The following HAL variants were observed in gnomAD, a reference collection of about 807,000 sequenced individuals.
HAL encodes the protein histidine ammonia-lyase, also known as histidase.
In HAL, 85 loss-of-function variants were observed where a neutral mutation model predicts 81.1. That is an observed-to-expected ratio of 1.05 (90% CI 0.88 to 1.25). HAL has a LOEUF of 1.25. Ranked by LOEUF, HAL falls within the 50% of genes most tolerant of loss-of-function variation. The probability of loss-of-function intolerance (pLI) is 0.00; values close to 1 mark genes in which losing one functional copy is unlikely to be tolerated. For synonymous variants in HAL, 301 were observed against 309.2 expected (o/e 0.97, Z 0.28); for missense variants, 798 against 836.6 (o/e 0.95, Z 0.57).
chr12:95,990,373 G>A lies in HAL; in HGVS notation c.855+20C>T. On this transcript the variant is annotated intron_variant, in intron 10 of 20. Coordinates refer to ENST00000261208, the MANE Select transcript of HAL (RefSeq NM_002108.4). ...CAACCTGGGGCAATTGCTGCAGATA[G>A]AAGCTGCTACGAGTCTTACGTATTT... The A allele has an allele frequency of 6.2e-7, 1 of 1,607,164 alleles. No homozygotes were observed. Among genetic ancestry groups the A allele is most frequent in the Non-Finnish European group, 8.5e-7 (1 of 1,173,662 alleles).
rs762791469 is a variant in HAL at position 95,976,485 on chromosome 12, C to T, written c.1777G>A (p.Asp593Asn). ...TCGATGTCCGGGGCCATGAAGCGAT[C>T]TTTTATCCAGGGCCTACAGGGAGAG... ...VRSVVRPWIK[D>N]RFMAPDIEAA... The change falls in exon 20 of 21, where the codon GAT becomes AAT. Residue 593 changes from aspartate to asparagine, a missense_variant. Physicochemically the swap from Asp to Asn is conservative, Grantham distance 23. Transcript: ENST00000261208. 1.2e-6 allele frequency: 2 copies of T among 1,614,174 alleles called. No individual in the cohort carries two copies. The highest frequency in any genetic ancestry group is 1.3e-5 in the African/African-American group (1 of 75,058).
chr12:95,991,908 A>T (rs1201174105), intron 9 of HAL, among the ~76,000 whole-genome samples: 1 of 152,194 alleles, frequency 6.6e-6, no homozygotes, highest in East Asian at 1.9e-4. Context: ...TCATTGGCAG[A>T]TCCTATTCAC....
intron 20 of HAL, among the ~76,000 whole-genome samples, chr12:95,974,720 G>GT (rs35152917): frequency 6.6e-5 from 10 of 151,896 alleles, no homozygotes; most frequent in Admixed American, 1.3e-4. Flanking sequence ...TACCTATGTG[G>GT]TTTTTTTCTT....
intron 20 of HAL, chr12:95,976,118 T>A (rs2080715719): frequency 2.5e-6 from 1 of 397,414 alleles, no homozygotes; most frequent in East Asian, 6.0e-5. Flanking sequence ...AAAGAGGACA[T>A]CTTGCAGGGG....
At chr12:95,988,633 G>A (rs781354607) in intron 10 of HAL, among the ~76,000 whole-genome samples, 7 of 152,044 alleles carry the variant, frequency 4.6e-5, no homozygotes, top group Non-Finnish European at 7.4e-5. Flanking sequence ...CCCAGTTCAC[G>A]CTCCCTTGCC....
intron 9 of HAL, among the ~76,000 whole-genome samples, chr12:95,992,107 AT>A (rs1266136177): frequency 1.3e-5 from 2 of 152,124 alleles, no homozygotes; most frequent in Non-Finnish European, 1.5e-5. Context: ...CCACATTAGA[AT>A]TTTCCTATCC....
chr12:95,987,681 G>C lies in HAL; in HGVS notation c.904-467C>G, dbSNP rs984165944. Reference sequence around the variant, plus strand: ...TCGATTTGAAGTTTTAAGTTCCTAAGAGACCCCCTATGCATTGTGGCATGA... The same window carrying C: ...TCGATTTGAAGTTTTAAGTTCCTAACAGACCCCCTATGCATTGTGGCATGA... On this transcript the variant is annotated intron_variant, in intron 11 of 20. Transcript: ENST00000261208. 9.9e-5 allele frequency among the ~76,000 whole-genome samples: 15 copies of C among 152,274 alleles called. 1 individual carries two copies. Among genetic ancestry groups the C allele is most frequent in the Admixed American group, 4.6e-4 (7 of 15,296 alleles).
chr12:95,986,153 A>C lies in HAL; in HGVS notation c.1059T>G (p.His353Gln). 6.3e-7 allele frequency: 1 copy of C among 1,581,026 alleles called. No individual in the cohort carries two copies. The highest frequency in any genetic ancestry group is 1.3e-5 in the African/African-American group (1 of 74,422). ...TTTGCCCACGGTGAGGTCGAAGAGCATGAATGTCTAGAATTGATGAAGGAG... is the reference window on the plus strand; with the variant it reads ...TTTGCCCACGGTGAGGTCGAAGAGCCTGAATGTCTAGAATTGATGAAGGAG... Reference protein sequence around the residue: ...GTTKAFDTDIHALRPHRGQIE... With the variant: ...GTTKAFDTDIQALRPHRGQIE... Residue 353 changes from histidine (H) to glutamine (Q), a missense_variant, in exon 13 of 21, where the codon CAT becomes CAG. His to Gln is a conservative substitution (Grantham distance 24). Coordinates refer to ENST00000261208, the MANE Select transcript of HAL (RefSeq NM_002108.4).
In HAL at chr12:95,978,129, C is replaced by T. The variant is rs183900800; in HGVS notation, c.1520-51G>A. ...AAGTGCTCCTCACAGGATGAGCTGT[C>T]TAAAGGACCCGTGGCTTCCACAGAG... On this transcript the variant is annotated intron_variant, in intron 17 of 20. Coordinates refer to ENST00000261208, the MANE Select transcript of HAL (RefSeq NM_002108.4). 110 of 1,493,388 alleles carry T rather than the reference C, an allele frequency of 7.4e-5. 1 individual carries two copies. Among genetic ancestry groups the T allele is most frequent in the Admixed American group, 3.4e-4 (20 of 59,264 alleles). 92.5% of individuals were successfully genotyped at this position (1,493,388 alleles called of 1,614,324 possible). A position where few individuals can be genotyped will look rare whatever the true frequency, so the allele number is the denominator to read the frequency against.
chr12:95,989,951 A>C (rs971768866), intron 10 of HAL: 3 of 234,956 alleles, frequency 1.3e-5, no homozygotes, highest in Non-Finnish European at 2.5e-5. Flanking sequence ...CTTTATCAAA[A>C]ACAGGCTTTT....
At chr12:95,993,275 C>A (rs1441877421) in intron 8 of HAL, among the ~76,000 whole-genome samples, 176 bp downstream of exon 8, 1 of 152,172 alleles carries the variant, frequency 6.6e-6, no homozygotes, top group African/African-American at 2.4e-5. Context: ...TGGCCCATTT[C>A]TTTTTCTGAG....
At chr12:95,987,355 G>A in intron 11 of HAL, 141 bp from the exon 12 acceptor site, 2 of 740,640 alleles carry the variant, frequency 2.7e-6, no homozygotes, top group South Asian at 1.5e-5. Context: ...TTTCTAAAGT[G>A]CGGGACAGTA....
Position 95,992,813 on chromosome 12 carries a change from A to G in HAL, c.590-8T>C. 6.2e-7 allele frequency: 1 copy of G among 1,612,312 alleles called. No individual in the cohort carries two copies. Among genetic ancestry groups the G allele is most frequent in the Non-Finnish European group, 8.5e-7 (1 of 1,178,560 alleles). On this transcript the variant is annotated splice_polypyrimidine_tract_variant and splice_region_variant and intron_variant, in intron 8 of 20. Transcript: ENST00000261208. ...TTAGTGGTTTCCCAACACCTGCAAAACAGAATTGATGTTTTCTCCAAGAAA... is the reference window on the plus strand; with the variant it reads ...TTAGTGGTTTCCCAACACCTGCAAAGCAGAATTGATGTTTTCTCCAAGAAA...
chr12:95,985,660 T>G (rs545001598), intron 14 of HAL, among the ~76,000 whole-genome samples: 4 of 147,624 alleles, frequency 2.7e-5, no homozygotes, highest in Non-Finnish European at 6.0e-5. Flanking sequence ...GGTTGTCCTC[T>G]GAAAGTAGGT....
rs1043478719 is a variant in HAL at position 95,992,505 on chromosome 12, C to T, written c.715+175G>A. On this transcript the variant is annotated intron_variant, in intron 9 of 20. Coordinates refer to ENST00000261208, the MANE Select transcript of HAL (RefSeq NM_002108.4). ...GTTCATAGGAGTAAGCATCTCTGAT[C>T]GACTTTCTCCTCTTCCCCCATCTAA... Among the ~76,000 whole-genome samples the T allele has an allele frequency of 3.9e-5, 6 of 152,178 alleles. No homozygotes were observed. In the South Asian group the frequency reaches 8.3e-4, roughly 21 times the overall value.
intron 20 of HAL, 85 bp from the exon 21 acceptor site, chr12:95,974,457 A>ATGT (rs1196950996): frequency 3.3e-6 from 4 of 1,200,230 alleles, no homozygotes; most frequent in Admixed American, 1.7e-5. Context: ...CCGAAGTCAA[A>ATGT]ACATACTCTA....
Position 95,980,628 on chromosome 12 carries a change from G to A in HAL, c.1447C>T (p.Pro483Ser), listed in dbSNP as rs1565986849. 3 of 1,613,998 alleles carry A rather than the reference G, an allele frequency of 1.9e-6. No individual in the cohort carries two copies. Among genetic ancestry groups the A allele is most frequent in the East Asian group, 2.2e-5 (1 of 44,890 alleles). The part of the protein sequence containing the change: ...RLCNPSLSEL[P>S]AFLVAEGGLN... ...CCACCTTCAGCCACCAGGAAGGCAG[G>A]CAGCTCACTGAGGGAGGGATTGCAG... The change falls in exon 17 of 21, where the codon CCT becomes TCT. Residue 483 changes from proline to serine, a missense_variant. Coordinates refer to ENST00000261208, the MANE Select transcript of HAL (RefSeq NM_002108.4).
In HAL at chr12:95,991,119, T is replaced by TA. The variant is rs527317739; in HGVS notation, c.716-588dup. Among the ~76,000 whole-genome samples, 233 of 152,102 alleles carry TA rather than the reference T, an allele frequency of 1.5e-3. 1 individual carries two copies. The highest frequency in any genetic ancestry group is 5.4e-3 in the African/African-American group (224 of 41,490). Reference sequence around the variant, plus strand: ...AGCAGGATCCTGTCTCCTAAATAAATAAGAAGAAGGAAGGAGGACACTTCT... The same window carrying TA: ...AGCAGGATCCTGTCTCCTAAATAAATAAAGAAGAAGGAAGGAGGACACTTCT... On this transcript the variant is annotated intron_variant, in intron 9 of 20. Coordinates refer to ENST00000261208, the MANE Select transcript of HAL (RefSeq NM_002108.4).
chr12:95,976,252 C>T, intron 20 of HAL, 177 bp downstream of exon 20: 1 of 683,536 alleles, frequency 1.5e-6, no homozygotes, highest in Non-Finnish European at 2.7e-6. Flanking sequence ...CACCCTGGTG[C>T]ACTTAGTGTT....
Sources: allele counts gnomAD v4.1 joint callset (sites outside exome capture counted in the v4.1 genomes callset), GRCh38; gene constraint gnomAD v4.1.1; transcripts MANE v1.5; gene names NCBI Gene and HGNC (gene_info 2026-07-23, HGNC 2026-07-21).